Variants in DCUN1D4 observed in about 807,000 individuals in gnomAD.
DCUN1D4 encodes DCN1-like protein 4.
A neutral mutation model predicts 47.9 loss-of-function variants in DCUN1D4; 22 were observed. The observed-to-expected ratio is 0.46, with a 90% CI of 0.33 to 0.66. The LOEUF (loss-of-function observed/expected upper bound fraction) is 0.66, where lower values mean the gene tolerates loss of function less well. Ranked by LOEUF, DCUN1D4 falls within the 30% of genes least tolerant of loss-of-function variation. The pLI, the probability that DCUN1D4 is intolerant of heterozygous loss-of-function variation, is 0.02. For missense variants in DCUN1D4, 301 were observed against 340.8 expected, an observed-to-expected ratio of 0.88 and a Z score of 0.92; for synonymous variants, 121 against 112.2, an observed-to-expected ratio of 1.08 and a Z score of -0.50.
Position 51,877,804 on chromosome 4 carries a change from A to G in DCUN1D4, c.293A>G (p.Glu98Gly). ...GATTCGACTAGAATAAAGACTGAAGAAGAAGCCTTTTCAAGTAAAAGGTGC... is the reference window on the plus strand; with the variant it reads ...GATTCGACTAGAATAAAGACTGAAGGAGAAGCCTTTTCAAGTAAAAGGTGC... ...KYDSTRIKTE[E>G]EAFSSKRCLE... Residue 98 changes from glutamate (E) to glycine (G), a missense_variant, in exon 5 of 11, where the codon GAA becomes GGA. Coordinates refer to ENST00000334635, the MANE Select transcript of DCUN1D4 (RefSeq NM_001040402.3). 2 of 1,612,174 alleles carry G rather than the reference A, an allele frequency of 1.2e-6. No individual in the cohort carries two copies. The highest frequency in any genetic ancestry group is 1.7e-6 in the Non-Finnish European group (2 of 1,179,260).
In DCUN1D4 at chr4:51,911,066, A is replaced by T; in HGVS notation, c.616-4A>T. The T allele has an allele frequency of 6.2e-7, 1 of 1,613,530 alleles. No homozygotes were observed. Among genetic ancestry groups the T allele is most frequent in the Non-Finnish European group, 8.5e-7 (1 of 1,179,594 alleles). The stretch of plus-strand genomic sequence containing the variant: ...GCTCATCCTTGTTTTTGTTTGTTAA[A>T]CAGGAAAAGGACCAGCGCAGCCTAG... On this transcript the variant is annotated splice_polypyrimidine_tract_variant and splice_region_variant and intron_variant, in intron 8 of 10. Coordinates refer to ENST00000334635, the MANE Select transcript of DCUN1D4 (RefSeq NM_001040402.3).
At chr4:51,860,674 G>T (rs755508238) in intron 1 of DCUN1D4, 6 of 454,186 alleles carry the variant, frequency 1.3e-5, no homozygotes, top group Non-Finnish European at 2.2e-5. Flanking sequence ...GTGAGAGGAG[G>T]TGCCACACAC....
the DCUN1D4 span, among the ~76,000 whole-genome samples, chr4:51,837,764 C>T: frequency 1.4e-5 from 2 of 146,846 alleles, no homozygotes; most frequent in African/African-American, 5.0e-5. Flanking sequence ...AAAATCATTG[C>T]TAAACGAAAT....
At chr4:51,863,900 G>A (rs1327046655) in intron 3 of DCUN1D4, among the ~76,000 whole-genome samples, 191 bp downstream of exon 3, 1 of 152,156 alleles carries the variant, frequency 6.6e-6, no homozygotes, top group Non-Finnish European at 1.5e-5. Flanking sequence ...AATCTCTTCT[G>A]GAAGCACTTT....
chr4:51,892,060 C>T (rs1327714012), intron 7 of DCUN1D4, among the ~76,000 whole-genome samples: 4 of 152,072 alleles, frequency 2.6e-5, no homozygotes, highest in Non-Finnish European at 5.9e-5. Flanking sequence ...GTATTTGGAG[C>T]GAGAGAGTGT....
At chr4:51,894,602 T>C in intron 7 of DCUN1D4, among the ~76,000 whole-genome samples, 1 of 152,180 alleles carries the variant, frequency 6.6e-6, no homozygotes, top group East Asian at 1.9e-4. Flanking sequence ...AAGCATTGTA[T>C]TTGTGAAGTA....
At chr4:51,882,901 T>G (rs1728900211) in intron 5 of DCUN1D4, among the ~76,000 whole-genome samples, 1 of 152,150 alleles carries the variant, frequency 6.6e-6, no homozygotes, top group Non-Finnish European at 1.5e-5. Context: ...ATGCAGCTGC[T>G]TCTCAATAAG....
chr4:51,837,001 C>T, the DCUN1D4 span, among the ~76,000 whole-genome samples: 1 of 152,170 alleles, frequency 6.6e-6, no homozygotes, highest in Non-Finnish European at 1.5e-5. Flanking sequence ...AATGATTATT[C>T]TTTCTGTCCA....
At chr4:51,900,242 C>T (rs1018881914) in intron 8 of DCUN1D4, among the ~76,000 whole-genome samples, 2 of 151,724 alleles carry the variant, frequency 1.3e-5, no homozygotes, top group East Asian at 3.9e-4. Flanking sequence ...CAGTTCAGCA[C>T]CAAAGGTTTA....
chr4:51,848,852 A>G (rs994369782), intron 1 of DCUN1D4, among the ~76,000 whole-genome samples: 1 of 152,176 alleles, frequency 6.6e-6, no homozygotes, highest in Non-Finnish European at 1.5e-5. Flanking sequence ...ATTTGTAACT[A>G]ATGTACTGAA....
intron 5 of DCUN1D4, among the ~76,000 whole-genome samples, chr4:51,881,334 G>A (rs562451867): frequency 6.6e-6 from 1 of 152,238 alleles, no homozygotes; most frequent in African/African-American, 2.4e-5. Flanking sequence ...AAGTTCTATA[G>A]CAGAATTGTT....
chr4:51,909,311 G>A (rs1733362354), intron 8 of DCUN1D4: 1 of 216,162 alleles, frequency 4.6e-6, no homozygotes, highest in African/African-American at 2.3e-5. Flanking sequence ...TCAGCCCAGT[G>A]CTGCATAAGC....
intron 8 of DCUN1D4, among the ~76,000 whole-genome samples, chr4:51,901,686 C>A (rs979949878): frequency 6.6e-6 from 1 of 152,192 alleles, no homozygotes; most frequent in Admixed American, 6.5e-5. Flanking sequence ...CAGTTACATA[C>A]CCCTGGTGTC....
At position 51,856,017 on chromosome 4, in the gene DCUN1D4, C is replaced by G. The variant is rs544158041; in HGVS notation, c.26-7420C>G. On this transcript the variant is annotated intron_variant, in intron 1 of 10. Transcript: ENST00000334635. ...CCATGTGACCCATGGCTTGAAACAC[C>G]CTTAAGCATTCCCTGATGAATCCCA... Among the ~76,000 whole-genome samples, 155 of 152,264 alleles carry G rather than the reference C, an allele frequency of 1.0e-3. 1 individual carries two copies. The highest frequency in any genetic ancestry group is 2.0e-3 in the Non-Finnish European group (137 of 68,022).
intron 5 of DCUN1D4, among the ~76,000 whole-genome samples, chr4:51,882,118 T>TTATACTC (rs112574666): frequency 1 from 151,865 of 152,296 alleles, 75,719 homozygotes; most frequent in Middle Eastern, 1. Flanking sequence ...CCATTGCAAA[T>TTATACTC]TAAAATCTTG....
chr4:51,885,332 A>G (rs1343723262), intron 5 of DCUN1D4, among the ~76,000 whole-genome samples: 1 of 152,202 alleles, frequency 6.6e-6, no homozygotes, highest in Non-Finnish European at 1.5e-5. Flanking sequence ...AATAATTAGA[A>G]GGTAAAATTG....
chr4:51,845,199 C>G (rs1373011741), intron 1 of DCUN1D4: 1 of 985,464 alleles, frequency 1.0e-6, no homozygotes, highest in Non-Finnish European at 1.2e-6. Flanking sequence ...TGTGTAAGCA[C>G]TGGGTTCCAG....
intron 5 of DCUN1D4, among the ~76,000 whole-genome samples, chr4:51,880,537 C>T (rs79262884): frequency 0.02 from 3,061 of 152,270 alleles, 49 homozygotes; most frequent in Non-Finnish European, 0.03. Context: ...GAGGCCTGAG[C>T]CCAGCTCTTC....
chr4:51,852,983 G>A (rs151111287), intron 1 of DCUN1D4, among the ~76,000 whole-genome samples: 2 of 152,318 alleles, frequency 1.3e-5, no homozygotes, highest in African/African-American at 4.8e-5. Flanking sequence ...GATTCTGTGT[G>A]CTTCAGTGGG....
Sources: allele counts gnomAD v4.1 joint callset (sites outside exome capture counted in the v4.1 genomes callset), GRCh38; gene constraint gnomAD v4.1.1; transcripts MANE v1.5; gene names NCBI Gene and HGNC (gene_info 2026-07-23, HGNC 2026-07-21).